Variants in KIF26B observed in about 807,000 individuals in gnomAD.
KIF26B encodes kinesin family member 26B, also known as kinesin-like protein KIF26B.
KIF26B carries 63 observed loss-of-function variants against 151.2 expected under a neutral mutation model. The ratio of observed to expected loss-of-function variants is 0.42; its 90% confidence interval spans 0.34 to 0.51. KIF26B has a LOEUF of 0.51. Among genes scored for constraint, KIF26B ranks in the 20% least tolerant of loss-of-function variants. The probability of loss-of-function intolerance (pLI) is 0.07; values close to 1 mark genes in which losing one functional copy is unlikely to be tolerated. For missense variants in KIF26B, 2,813 were observed against 2,913.6 expected (o/e 0.97, Z 0.79); for synonymous variants, 1,357 against 1,262.1 (o/e 1.08, Z -1.59).
At chr1:245,663,020 G>T (rs10754465) in intron 10 of KIF26B, among the ~76,000 whole-genome samples, 101,433 of 148,424 alleles carry the variant, frequency 0.68, 34,544 homozygotes, top group East Asian at 0.83. Flanking sequence ...TCCAATTCTT[G>T]CTTTGTATCT....
intron 2 of KIF26B, among the ~76,000 whole-genome samples, chr1:245,340,254 C>T (rs996686942): frequency 2.6e-5 from 4 of 152,126 alleles, no homozygotes; most frequent in South Asian, 2.1e-4. Context: ...GGTACGTCCT[C>T]CGGTATATCT....
At chr1:245,191,424 G>A (rs550044064) in intron 2 of KIF26B, among the ~76,000 whole-genome samples, 1 of 151,246 alleles carries the variant, frequency 6.6e-6, no homozygotes, top group Non-Finnish European at 1.5e-5. Context: ...GCAGTGAGCC[G>A]AGATCACACC....
chr1:245,513,656 G>A lies in KIF26B; in HGVS notation c.1167-27111G>A, dbSNP rs1178836572. Among the ~76,000 whole-genome samples the A allele has an allele frequency of 2.6e-5, 4 of 152,246 alleles. No individual in the cohort carries two copies. The South Asian group carries it at 6.2e-4, about 24-fold the overall frequency. On this transcript the variant is annotated intron_variant, in intron 4 of 14. Coordinates refer to ENST00000407071, the MANE Select transcript of KIF26B (RefSeq NM_018012.4). ...ACTATGCTGGTATGTTCTCTCTCTG[G>A]ACAGCCGTCTTTCTAACAACGGGTG...
chr1:245,611,704 C>A, intron 8 of KIF26B, 89 bp from the exon 9 acceptor site: 3 of 1,383,994 alleles, frequency 2.2e-6, no homozygotes, highest in Non-Finnish European at 3.0e-6. Context: ...GAACACACAG[C>A]CAGCTGAATG....
chr1:245,426,649 C>T (rs915884491), intron 4 of KIF26B, among the ~76,000 whole-genome samples: 2 of 152,172 alleles, frequency 1.3e-5, no homozygotes, highest in Non-Finnish European at 2.9e-5. Context: ...CCAGAGGTTG[C>T]CGTAGTGTTA....
At position 245,667,442 on chromosome 1, in the gene KIF26B, G is replaced by A. The variant is rs2044229953; in HGVS notation, c.2259-16791G>A. On this transcript the variant is annotated intron_variant, in intron 10 of 14. Transcript: ENST00000407071. This position sits in a 1 kb window ranked among gnomAD's most constrained non-coding sequence, Gnocchi z 4.3. ...AATCTGCCTGCCTCGGCCTCCCAAA[G>A]TGCTGGGATTACAGGCGTGAGCCAC... is the stretch of plus-strand genomic sequence containing the variant. Among the ~76,000 whole-genome samples the A allele has an allele frequency of 6.6e-6, 1 of 152,054 alleles. No individual in the cohort carries two copies. The highest frequency in any genetic ancestry group is 1.5e-5 in the Non-Finnish European group (1 of 68,008).
At chr1:245,212,501 A>G (rs2103544464) in intron 2 of KIF26B, among the ~76,000 whole-genome samples, 1 of 152,324 alleles carries the variant, frequency 6.6e-6, no homozygotes, top group African/African-American at 2.4e-5. Context: ...GCCTCCGGGC[A>G]GTTAAGGGTG....
At chr1:245,551,845 C>T (rs949350165) in intron 5 of KIF26B, among the ~76,000 whole-genome samples, 3 of 152,128 alleles carry the variant, frequency 2.0e-5, no homozygotes, top group Admixed American at 2.0e-4. Context: ...CCTCCCCAAC[C>T]CCAGGTTATC....
chr1:245,303,197 C>CTTTTTTTT (rs757473264), intron 2 of KIF26B, among the ~76,000 whole-genome samples: 1 of 102,610 alleles, frequency 9.7e-6, no homozygotes, highest in Non-Finnish European at 1.9e-5. Context: ...ACTAAATGTT[C>CTTTTTTTT]TTTTTTTTTT....
At chr1:245,413,256 G>C (rs773501533) in intron 3 of KIF26B, among the ~76,000 whole-genome samples, 2 of 152,228 alleles carry the variant, frequency 1.3e-5, no homozygotes, top group African/African-American at 4.8e-5. Context: ...AAACATGTTA[G>C]ATGGATATTT....
chr1:245,176,299 T>C (rs57487240), intron 2 of KIF26B, among the ~76,000 whole-genome samples: 2,360 of 152,242 alleles, frequency 0.016, 64 homozygotes, highest in African/African-American at 0.054. Context: ...TAATTACAGG[T>C]GCCTTGAAGG....
intron 4 of KIF26B, among the ~76,000 whole-genome samples, chr1:245,497,548 T>C (rs1345820084): frequency 6.6e-6 from 1 of 152,028 alleles, no homozygotes; most frequent in African/African-American, 2.4e-5. Flanking sequence ...AACCAACAGG[T>C]TAAAGAAGAA....
chr1:245,344,820 C>G (rs1672413600), intron 2 of KIF26B, among the ~76,000 whole-genome samples: 1 of 151,818 alleles, frequency 6.6e-6, no homozygotes, highest in Admixed American at 6.6e-5. Context: ...CTGGACGTAT[C>G]CCTTGACAAC....
intron 2 of KIF26B, among the ~76,000 whole-genome samples, chr1:245,162,313 C>T (rs1191547803): frequency 6.6e-6 from 1 of 151,290 alleles, no homozygotes; most frequent in Admixed American, 6.6e-5. Context: ...GGCGAAGGAG[C>T]ACTGTTGAGA....
At chr1:245,309,304 A>G (rs1426273031) in intron 2 of KIF26B, among the ~76,000 whole-genome samples, 1 of 152,178 alleles carries the variant, frequency 6.6e-6, no homozygotes, top group Non-Finnish European at 1.5e-5. Context: ...GTGTCTGTGA[A>G]CAAATAGCCC....
At chr1:245,229,458 G>A (rs931869753) in intron 2 of KIF26B, among the ~76,000 whole-genome samples, 7 of 152,170 alleles carry the variant, frequency 4.6e-5, no homozygotes, top group African/African-American at 1.2e-4. Context: ...GTAAGGAGCC[G>A]TGACTTACTA....
At chr1:245,215,256 G>A (rs934234695) in intron 2 of KIF26B, among the ~76,000 whole-genome samples, 4 of 152,100 alleles carry the variant, frequency 2.6e-5, no homozygotes, top group South Asian at 2.1e-4. Flanking sequence ...CTCAGGGCCC[G>A]GCTCCTTGGT....
At chr1:245,266,495 TTTTCTTTC>T (rs556112839) in intron 2 of KIF26B, among the ~76,000 whole-genome samples, 2 of 152,042 alleles carry the variant, frequency 1.3e-5, no homozygotes, top group African/African-American at 2.4e-5. Context: ...TACCATTTTC[TTTTCTTTC>T]TTTCTTTCTT....
At chr1:245,653,850 A>G (rs1163228702) in intron 10 of KIF26B, among the ~76,000 whole-genome samples, 1 of 152,184 alleles carries the variant, frequency 6.6e-6, no homozygotes, top group African/African-American at 2.4e-5. Flanking sequence ...ACTTGAGCCC[A>G]GGAGTTTGAG....
Sources: gnomAD v4.1 joint callset for allele counts (sites outside exome capture counted in the v4.1 genomes callset) on GRCh38, gnomAD v4.1.1 for gene constraint, Gnocchi (gnomAD v3.1) non-coding constraint, MANE v1.5 for transcripts, NCBI Gene and HGNC (gene_info 2026-07-23, HGNC 2026-07-21) for gene names.